Variants in ZBTB25 observed in about 807,000 individuals in gnomAD.
ZBTB25 encodes zinc finger and BTB domain-containing protein 25.
In ZBTB25, 20 loss-of-function variants were observed where a neutral mutation model predicts 34.2. That is an observed-to-expected ratio of 0.58 (90% CI 0.41 to 0.85). ZBTB25 has a LOEUF of 0.85. Among genes scored for constraint, ZBTB25 ranks in the 40% least tolerant of loss-of-function variants. ZBTB25 has a pLI of 0.00. For missense variants in ZBTB25, 437 were observed against 521.8 expected, an observed-to-expected ratio of 0.84 and a Z score of 1.58; for synonymous variants, 175 against 186.4, an observed-to-expected ratio of 0.94 and a Z score of 0.50.
chr14:64,463,280 CAT>C (rs1020318343), intron 2 of ZBTB25: 3 of 137,192 alleles, frequency 2.2e-5, no homozygotes, highest in Non-Finnish European at 4.9e-5. Context: ...GAGTTCTAGT[CAT>C]ATCCTAAAGA....
intron 2 of ZBTB25, among the ~76,000 whole-genome samples, chr14:64,466,277 G>A (rs2078612698): frequency 6.6e-6 from 1 of 152,188 alleles, no homozygotes; most frequent in South Asian, 2.1e-4. Context: ...AAGTTTTATT[G>A]TCTACAGACT....
In ZBTB25 at chr14:64,486,953, T is replaced by C. The variant is rs1211427756; in HGVS notation, c.1278A>G (p.Gln426=). ...LPCALESELT[Q]ENVDTILVE ...CAACTAGGATAGTATCCACATTTTC[T>C]TGTGTGAGCTCTGACTCTAAGGCAC... Residue 426 remains glutamine, a synonymous_variant, in exon 3 of 3, where the codon CAA becomes CAG. Transcript: ENST00000608382. The C allele has an allele frequency of 3.7e-6, 6 of 1,611,994 alleles. No homozygotes were observed. The African/African-American group carries it at 5.3e-5, about 14-fold the overall frequency.
At chr14:64,477,259 C>T (rs928006515), downstream of ZBTB25, among the ~76,000 whole-genome samples, 2 of 152,192 alleles carry the variant, frequency 1.3e-5, no homozygotes, top group African/African-American at 2.4e-5. Context: ...TTCATTCAAT[C>T]GAGGCACCCC....
chr14:64,477,560 C>T (rs531500691), downstream of ZBTB25, among the ~76,000 whole-genome samples: 12 of 152,272 alleles, frequency 7.9e-5, no homozygotes, highest in East Asian at 2.3e-3. Flanking sequence ...TCACTCCCCT[C>T]GAATCTTTGA....
chr14:64,470,604 A>AC (rs2078660037), intron 2 of ZBTB25: 1 of 164,624 alleles, frequency 6.1e-6, no homozygotes, highest in Non-Finnish European at 1.5e-5. Flanking sequence ...AAAAAAAAAA[A>AC]AAAAAAGAGA....
At chr14:64,459,349 G>A (rs1050821958) in intron 2 of ZBTB25, among the ~76,000 whole-genome samples, 1 of 152,130 alleles carries the variant, frequency 6.6e-6, no homozygotes, top group Non-Finnish European at 1.5e-5. Context: ...GAACAGGTTG[G>A]GGGAGCACCT....
intron 2 of ZBTB25, among the ~76,000 whole-genome samples, chr14:64,455,559 G>C (rs1483369366): frequency 2.0e-5 from 3 of 152,140 alleles, no homozygotes; most frequent in Non-Finnish European, 1.5e-5. Context: ...CCTGAATCTA[G>C]GTTATCCCCT....
Position 64,487,327 on chromosome 14 carries a change from C to T in ZBTB25, c.904G>A (p.Val302Ile), listed in dbSNP as rs1237173550. The T allele has an allele frequency of 1.9e-6, 3 of 1,613,912 alleles. No homozygotes were observed. The highest frequency in any genetic ancestry group is 2.5e-6 in the Non-Finnish European group (3 of 1,180,004). ...TCTGGCTGCTGTTCATTCTCCTTAA[C>T]AATGAAGGAGCTGAGCCTGCGGCAT... is the stretch of plus-strand genomic sequence containing the variant. ...LECRRLSSFI[V>I]KENEQQPDHT... The change falls in exon 3 of 3, where the codon GTT (valine) becomes ATT (isoleucine). Residue 302 changes from valine to isoleucine, a missense_variant. Physicochemically the swap from Val to Ile is conservative, Grantham distance 29 (BLOSUM62 3). Coordinates refer to ENST00000608382, the MANE Select transcript of ZBTB25 (RefSeq NM_006977.5).
chr14:64,452,460 T>A (rs1006295641), intron 2 of ZBTB25, among the ~76,000 whole-genome samples: 3 of 152,206 alleles, frequency 2.0e-5, no homozygotes, highest in Non-Finnish European at 4.4e-5. Flanking sequence ...TGAATCTTAA[T>A]GCCCTGAACT....
chr14:64,486,993 T>C lies in ZBTB25; in HGVS notation c.1238A>G (p.His413Arg), dbSNP rs1312187815. 1 of 1,614,104 alleles carries C rather than the reference T, an allele frequency of 6.2e-7. No individual in the cohort carries two copies. Among genetic ancestry groups the C allele is most frequent in the Non-Finnish European group, 8.5e-7 (1 of 1,180,058 alleles). Reference sequence around the variant, plus strand: ...CTCTAAGGCACAAGGCAAGTCTAAGTGTTCTTGTGACAAGCGAGAACTTTT... The same window carrying C: ...CTCTAAGGCACAAGGCAAGTCTAAGCGTTCTTGTGACAAGCGAGAACTTTT... ...SLKSSRLSQE[H>R]LDLPCALESE... is the part of the protein sequence containing the mutation. The change falls in exon 3 of 3, where the codon CAC becomes CGC. Residue 413 changes from histidine to arginine, a missense_variant. Transcript: ENST00000608382.
chr14:64,455,035 C>A, intron 2 of ZBTB25: 1 of 754,358 alleles, frequency 1.3e-6, no homozygotes, highest in Non-Finnish European at 2.3e-6. Flanking sequence ...AGCTATAAAG[C>A]AGGAGCTATA....
At chr14:64,504,747 C>T, upstream of ZBTB25, 1 of 375,396 alleles carries the variant, frequency 2.7e-6, no homozygotes. Context: ...GCAGGCGCGG[C>T]TGTGCGGCAG....
At position 64,503,732 on chromosome 14, in the gene ZBTB25, G is replaced by C; in HGVS notation, c.-79C>G. On this transcript the variant is annotated 5_prime_UTR_variant, in exon 1 of 3. Coordinates refer to ENST00000608382, the MANE Select transcript of ZBTB25 (RefSeq NM_006977.5). The stretch of plus-strand genomic sequence containing the variant: ...CGGGCTCCCAAGCCGCGCACTGCAA[G>C]CAGTGGCGCCGGCTCACGCACCCCT... 2.0e-6 allele frequency: 1 copy of C among 507,082 alleles called. No individual in the cohort carries two copies. The highest frequency in any genetic ancestry group is 2.5e-6 in the Non-Finnish European group (1 of 392,688). 31.4% of individuals were successfully genotyped at this position (507,082 alleles called of 1,614,324 possible).
At chr14:64,470,999 G>T (rs997249977) in intron 2 of ZBTB25, 3 of 167,038 alleles carry the variant, frequency 1.8e-5, no homozygotes, top group African/African-American at 7.2e-5. Context: ...GGCCAAAAAT[G>T]AGCCATGAAT....
intron 2 of ZBTB25, among the ~76,000 whole-genome samples, chr14:64,465,212 C>G (rs1007840660): frequency 5.5e-5 from 8 of 145,196 alleles, no homozygotes; most frequent in Non-Finnish European, 9.3e-5. Context: ...TTGCCCTGGT[C>G]CCCCCCGCCT....
intron 2 of ZBTB25, chr14:64,453,939 C>T: frequency 3.4e-6 from 3 of 876,770 alleles, no homozygotes; most frequent in Non-Finnish European, 5.7e-6. Context: ...TCCTCCCAGC[C>T]CTGCCAAGTA....
At chr14:64,454,385 T>C (rs879730576) in intron 2 of ZBTB25, among the ~76,000 whole-genome samples, 16 of 152,198 alleles carry the variant, frequency 1.1e-4, no homozygotes, top group Non-Finnish European at 1.9e-4. Flanking sequence ...AGTGCTGGAA[T>C]TTATAGGCAT....
exon 3 of ZBTB25, chr14:64,449,441 A>G: frequency 1.2e-6 from 2 of 1,612,996 alleles, no homozygotes; most frequent in African/African-American, 2.7e-5. Context: ...TGCTTCCTTT[A>G]TAGGACGGAT....
chr14:64,498,175 T>C (rs1338759089), intron 1 of ZBTB25, among the ~76,000 whole-genome samples: 1 of 152,226 alleles, frequency 6.6e-6, no homozygotes, highest in Non-Finnish European at 1.5e-5. Flanking sequence ...GTAGAAATCA[T>C]TTTATCCTGA....
Sources: gnomAD v4.1 joint callset for allele counts (sites outside exome capture counted in the v4.1 genomes callset) on GRCh38, gnomAD v4.1.1 for gene constraint, MANE v1.5 for transcripts, NCBI Gene and HGNC (gene_info 2026-07-23, HGNC 2026-07-21) for gene names.